Variants in SLC44A5 observed in about 807,000 individuals in gnomAD.
SLC44A5 encodes choline transporter-like protein 5.
SLC44A5 carries 57 observed loss-of-function variants against 101.8 expected under a neutral mutation model. That is an observed-to-expected ratio of 0.56 (90% CI 0.45 to 0.70). The LOEUF is 0.70. SLC44A5 is among the 30% of genes least tolerant of loss of function. The pLI, the probability that SLC44A5 is intolerant of heterozygous loss-of-function variation, is 0.00. For missense variants in SLC44A5, 737 were observed against 853.1 expected (o/e 0.86, Z 1.70); for synonymous variants, 281 against 290.9 (o/e 0.97, Z 0.35).
At chr1:75,385,826 C>G (rs181353985) in intron 3 of SLC44A5, among the ~76,000 whole-genome samples, 1 of 151,780 alleles carries the variant, frequency 6.6e-6, no homozygotes, top group Non-Finnish European at 1.5e-5. Context: ...ACTGGCAAAA[C>G]GAATCCAGCA....
chr1:75,499,600 T>C (rs1422233338), intron 2 of SLC44A5, among the ~76,000 whole-genome samples: 1 of 152,256 alleles, frequency 6.6e-6, no homozygotes, highest in East Asian at 1.9e-4. Context: ...AAACAATGCA[T>C]AACTGTATTT....
chr1:75,313,837 G>A (rs1418536859), intron 4 of SLC44A5, among the ~76,000 whole-genome samples: 1 of 152,030 alleles, frequency 6.6e-6, no homozygotes, highest in Non-Finnish European at 1.5e-5. Flanking sequence ...AGGCAAAAGA[G>A]AATAAATCAG....
At chr1:75,611,283 T>G (rs996337829), upstream of SLC44A5, among the ~76,000 whole-genome samples, 2 of 152,130 alleles carry the variant, frequency 1.3e-5, no homozygotes, top group Non-Finnish European at 2.9e-5. Flanking sequence ...CTATAGTATA[T>G]TTTTTCATTG....
the SLC44A5 span, among the ~76,000 whole-genome samples, chr1:75,686,749 A>G: frequency 6.2e-4 from 95 of 152,330 alleles, 2 homozygotes; most frequent in South Asian, 6.8e-3. Context: ...ACATCCCTAC[A>G]AGGGAAGAGA....
chr1:75,653,920 G>A, the SLC44A5 span, among the ~76,000 whole-genome samples: 1 of 152,164 alleles, frequency 6.6e-6, no homozygotes, highest in Non-Finnish European at 1.5e-5. Context: ...GATTTTACCT[G>A]ACAGCTTCAG....
the SLC44A5 span, among the ~76,000 whole-genome samples, chr1:75,688,176 T>C: frequency 6.6e-6 from 1 of 152,188 alleles, no homozygotes; most frequent in Admixed American, 6.5e-5. Context: ...ATGAAGGCAG[T>C]AGGCTAAAGT....
At chr1:75,692,209 T>TTTTTTTTG in the SLC44A5 span, among the ~76,000 whole-genome samples, 1 of 139,992 alleles carries the variant, frequency 7.1e-6, no homozygotes, top group African/African-American at 2.8e-5. Context: ...TTTTTTTTTT[T>TTTTTTTTG]CTGAGACAGA....
At chr1:75,311,755 AG>A (rs1655317748) in intron 4 of SLC44A5, 1 of 156,512 alleles carries the variant, frequency 6.4e-6, no homozygotes, top group Non-Finnish European at 1.4e-5. Context: ...AAATGATGAC[AG>A]ATTGTGTAAC....
intron 1 of SLC44A5, among the ~76,000 whole-genome samples, chr1:75,597,201 A>C (rs1419212255): frequency 6.7e-6 from 1 of 148,642 alleles, no homozygotes; most frequent in Admixed American, 6.6e-5. Flanking sequence ...AAAAAAAAAA[A>C]AAGCCACAAA....
intron 2 of SLC44A5, among the ~76,000 whole-genome samples, chr1:75,468,469 AT>A (rs1179373302): frequency 6.6e-6 from 1 of 152,232 alleles, no homozygotes; most frequent in Non-Finnish European, 1.5e-5. Flanking sequence ...ATTATACACC[AT>A]GTAGTACTAT....
chr1:75,585,173 G>T (rs1207684078), intron 1 of SLC44A5, among the ~76,000 whole-genome samples: 1 of 152,096 alleles, frequency 6.6e-6, no homozygotes, highest in Non-Finnish European at 1.5e-5. Context: ...AATTTGAAAG[G>T]TTGTTATGTT....
intron 3 of SLC44A5, among the ~76,000 whole-genome samples, chr1:75,380,744 A>T (rs1163719924): frequency 1.2e-5 from 1 of 82,878 alleles, no homozygotes; most frequent in African/African-American, 7.8e-5. Context: ...CCCATCGGAG[A>T]TGCAAAGAAA....
chr1:75,677,593 G>A, the SLC44A5 span: 1 of 289,724 alleles, frequency 3.5e-6, no homozygotes, highest in Admixed American at 5.1e-5. Flanking sequence ...CAAAACAACT[G>A]GAAAACTAAT....
At chr1:75,540,004 C>T (rs753339718) in intron 2 of SLC44A5, among the ~76,000 whole-genome samples, 2 of 152,152 alleles carry the variant, frequency 1.3e-5, no homozygotes, top group African/African-American at 2.4e-5. Context: ...TTTTCCCTTA[C>T]GGTATTGTTA....
the SLC44A5 span, among the ~76,000 whole-genome samples, chr1:75,646,239 C>T: frequency 8.8e-5 from 12 of 136,278 alleles, 1 homozygote; most frequent in Non-Finnish European, 1.6e-4. Context: ...GCCATTTTCA[C>T]GAAATTGATT....
chr1:75,460,186 C>T (rs1449694410), intron 2 of SLC44A5, among the ~76,000 whole-genome samples: 1 of 152,172 alleles, frequency 6.6e-6, no homozygotes, highest in African/African-American at 2.4e-5. Context: ...AACTCTGGAA[C>T]TCTGAGGACA....
intron 5 of SLC44A5, among the ~76,000 whole-genome samples, chr1:75,282,577 T>C (rs1292681878): frequency 1.8e-4 from 28 of 152,156 alleles, no homozygotes; most frequent in Admixed American, 1.8e-3. Flanking sequence ...AATTTCATCT[T>C]GAATTATAAT....
At chr1:75,523,259 G>C (rs1305017158) in intron 2 of SLC44A5, among the ~76,000 whole-genome samples, 1 of 152,002 alleles carries the variant, frequency 6.6e-6, no homozygotes, top group Non-Finnish European at 1.5e-5. Flanking sequence ...ATGACTCTGG[G>C]GACAGACAAG....
intron 2 of SLC44A5, among the ~76,000 whole-genome samples, chr1:75,419,148 C>T (rs146809524): frequency 5.4e-4 from 82 of 152,030 alleles, no homozygotes; most frequent in African/African-American, 2.0e-3. Flanking sequence ...TGATCAAATA[C>T]ATACAATAAG....
Sources: allele counts gnomAD v4.1 joint callset (sites outside exome capture counted in the v4.1 genomes callset), GRCh38; gene constraint gnomAD v4.1.1; transcripts MANE v1.5; gene names NCBI Gene and HGNC (gene_info 2026-07-23, HGNC 2026-07-21).